The following ARPP21 variants were observed in gnomAD, a reference collection of about 807,000 sequenced individuals.
The protein encoded by ARPP21 is cAMP regulated phosphoprotein 21, also known as cAMP-regulated phosphoprotein 21.
A neutral mutation model predicts 113.2 loss-of-function variants in ARPP21; 69 were observed. The ratio of observed to expected loss-of-function variants is 0.61; its 90% CI spans 0.50 to 0.74. The LOEUF (loss-of-function observed/expected upper bound fraction) is 0.74. Ranked by LOEUF, ARPP21 falls within the 30% of genes least tolerant of loss-of-function variation. The pLI is 0.00. For synonymous variants in ARPP21, 368 were observed against 375.5 expected, an observed-to-expected ratio of 0.98 and a Z score of 0.23; for missense variants, 1,070 against 1,037.4, an observed-to-expected ratio of 1.03 and a Z score of -0.43.
chr3:35,747,375 AAAAG>A (rs2095131822), intron 19 of ARPP21, among the ~76,000 whole-genome samples: 2 of 151,740 alleles, frequency 1.3e-5, no homozygotes, highest in South Asian at 2.1e-4. Context: ...AAAAAAAAAA[AAAAG>A]AACACTAATG....
chr3:35,770,685 G>A (rs986348335), intron 19 of ARPP21, among the ~76,000 whole-genome samples: 6 of 152,144 alleles, frequency 3.9e-5, no homozygotes, highest in Non-Finnish European at 5.9e-5. Flanking sequence ...TTTGAGCTTG[G>A]TAGATAGCCT....
chr3:35,705,391 T>C (rs2088446508), intron 9 of ARPP21, among the ~76,000 whole-genome samples: 2 of 152,218 alleles, frequency 1.3e-5, no homozygotes, highest in South Asian at 4.1e-4. Flanking sequence ...GGCCTTTTCA[T>C]TGTAAAGTAC....
chr3:35,650,433 A>G (rs1022756934), intron 1 of ARPP21: 2 of 152,264 alleles, frequency 1.3e-5, no homozygotes, highest in African/African-American at 4.8e-5. Flanking sequence ...CTGAACAATG[A>G]ATTGAGTAAT....
chr3:35,732,829 A>G (rs1003779140), intron 15 of ARPP21, among the ~76,000 whole-genome samples: 4 of 152,044 alleles, frequency 2.6e-5, no homozygotes, highest in African/African-American at 9.7e-5. Context: ...ATAATTCTAT[A>G]TTTTTATTTT....
At chr3:35,659,352 T>TA (rs1706566289) in intron 1 of ARPP21, among the ~76,000 whole-genome samples, 1 of 152,292 alleles carries the variant, frequency 6.6e-6, no homozygotes, top group Non-Finnish European at 1.5e-5. Flanking sequence ...AATATGATAA[T>TA]ATGAATATAA....
intron 19 of ARPP21, among the ~76,000 whole-genome samples, chr3:35,789,173 C>G (rs1277941122): frequency 2.0e-5 from 3 of 152,236 alleles, no homozygotes; most frequent in African/African-American, 7.2e-5. Context: ...AATTGACAAA[C>G]TGGAACACAT....
At chr3:35,765,560 C>T (rs181168365) in intron 19 of ARPP21, among the ~76,000 whole-genome samples, 150 of 152,216 alleles carry the variant, frequency 9.9e-4, no homozygotes, top group Non-Finnish European at 1.2e-3. Context: ...CACACACCTT[C>T]TCGCCAAGGA....
intron 12 of ARPP21, among the ~76,000 whole-genome samples, chr3:35,716,186 A>G (rs2092367612): frequency 6.6e-6 from 1 of 152,114 alleles, no homozygotes; most frequent in African/African-American, 2.4e-5. Flanking sequence ...AATTGCGGAT[A>G]CTCAGGGCAA....
At chr3:35,765,952 G>A (rs970117626) in intron 19 of ARPP21, among the ~76,000 whole-genome samples, 12 of 152,102 alleles carry the variant, frequency 7.9e-5, no homozygotes, top group African/African-American at 2.9e-4. Flanking sequence ...ATGCAAGTGA[G>A]GGGCATTTAG....
At chr3:35,669,848 C>A (rs901340669) in intron 1 of ARPP21, among the ~76,000 whole-genome samples, 4 of 152,110 alleles carry the variant, frequency 2.6e-5, no homozygotes, top group African/African-American at 9.7e-5. Context: ...ATTGTAGAAT[C>A]CATAAATAAA....
At chr3:35,701,224 C>G (rs1256765227) in intron 9 of ARPP21, among the ~76,000 whole-genome samples, 1 of 151,454 alleles carries the variant, frequency 6.6e-6, no homozygotes, top group South Asian at 2.1e-4. Context: ...TCTCAAGAAC[C>G]TAGGCATATA....
intron 15 of ARPP21, among the ~76,000 whole-genome samples, chr3:35,735,678 A>AC (rs1230154712): frequency 6.6e-6 from 1 of 152,098 alleles, no homozygotes; most frequent in South Asian, 2.1e-4. Flanking sequence ...TGAAATATCA[A>AC]CCCCATCCTG....
chr3:35,712,509 GGTGTCTGTGTGTGTGT>G (rs1357323728), intron 11 of ARPP21, among the ~76,000 whole-genome samples: 5 of 108,448 alleles, frequency 4.6e-5, no homozygotes, highest in African/African-American at 2.0e-4. Flanking sequence ...TGGTGTCTAA[GGTGTCTGTGTGTGTGT>G]GTGTGTGTGT....
At chr3:35,789,588 A>C (rs1001223665) in intron 19 of ARPP21, among the ~76,000 whole-genome samples, 2 of 152,096 alleles carry the variant, frequency 1.3e-5, no homozygotes, top group African/African-American at 2.4e-5. Context: ...TGGGAACCCC[A>C]GTGTAAAGCT....
intron 10 of ARPP21, 73 bp downstream of exon 10, chr3:35,707,155 C>T: frequency 8.6e-7 from 1 of 1,163,602 alleles, no homozygotes; most frequent in Non-Finnish European, 1.3e-6. Flanking sequence ...CATGTCGTCC[C>T]TCTGTTGTCC....
chr3:35,721,808 G>A lies in ARPP21; in HGVS notation c.1199G>A (p.Arg400Lys). 1.2e-6 allele frequency: 2 copies of A among 1,610,222 alleles called. No individual in the cohort carries two copies. The highest frequency in any genetic ancestry group is 1.7e-6 in the Non-Finnish European group (2 of 1,177,968). Residue 400 changes from arginine to lysine, a missense_variant, in exon 14 of 21, where the codon AGG (arginine) becomes AAG (lysine). Transcript: ENST00000684406. ...LTRGDSTSST[R>K]STGKLSKAGS... The stretch of plus-strand genomic sequence containing the variant: ...AGGGGTGACAGCACTTCCAGTACTA[G>A]GAGTACCGGGAAGCTGTCCAAAGCA...
chr3:35,643,106 C>T (rs2148854448), intron 1 of ARPP21, among the ~76,000 whole-genome samples: 1 of 151,454 alleles, frequency 6.6e-6, no homozygotes, highest in East Asian at 1.9e-4. Flanking sequence ...TGAGAATGTT[C>T]AATCAGAAAG....
At chr3:35,696,662 A>T (rs1268745193) in intron 9 of ARPP21, among the ~76,000 whole-genome samples, 1 of 151,298 alleles carries the variant, frequency 6.6e-6, no homozygotes, top group Non-Finnish European at 1.5e-5. Context: ...GCTGAATGAG[A>T]CCCTTGCCAG....
At chr3:35,764,746 A>C (rs549073770) in intron 19 of ARPP21, among the ~76,000 whole-genome samples, 1 of 152,292 alleles carries the variant, frequency 6.6e-6, no homozygotes, top group African/African-American at 2.4e-5. Context: ...ATATATGTAT[A>C]CATTTTGTTT....
Sources: gnomAD v4.1 joint callset for allele counts (sites outside exome capture counted in the v4.1 genomes callset) on GRCh38, gnomAD v4.1.1 for gene constraint, MANE v1.5 for transcripts, NCBI Gene and HGNC (gene_info 2026-07-23, HGNC 2026-07-21) for gene names.